The following RAG1 variants were observed in gnomAD, a reference collection of about 807,000 sequenced individuals.
RAG1 encodes V(D)J recombination-activating protein 1.
In RAG1, 35 loss-of-function variants were observed where a neutral mutation model predicts 62.7. The observed-to-expected ratio is 0.56, with a 90% CI of 0.43 to 0.74. The LOEUF is 0.74. Ranked by LOEUF, RAG1 falls within the 30% of genes least tolerant of loss-of-function variation. RAG1 has a pLI of 0.00. For synonymous variants in RAG1, 461 were observed against 470.3 expected, an observed-to-expected ratio of 0.98 and a Z score of 0.26; for missense variants, 1,169 against 1,278.6, an observed-to-expected ratio of 0.91 and a Z score of 1.31.
downstream of RAG1, among the ~76,000 whole-genome samples, chr11:36,538,268 T>C (rs369534900): frequency 6.6e-6 from 1 of 152,160 alleles, no homozygotes; most frequent in African/African-American, 2.4e-5. Flanking sequence ...TAAAGAACAG[T>C]ATGCTGCCTA....
At chr11:36,511,860 G>A (rs946694473) in intron 1 of RAG1, among the ~76,000 whole-genome samples, 1 of 152,144 alleles carries the variant, frequency 6.6e-6, no homozygotes, top group Admixed American at 6.5e-5. Flanking sequence ...GAGCTCTGGG[G>A]CAGGTTACAT....
intron 2 of RAG1, among the ~76,000 whole-genome samples, chr11:36,533,676 G>C (rs1471981145): frequency 1.3e-5 from 2 of 152,066 alleles, no homozygotes; most frequent in African/African-American, 4.8e-5. Flanking sequence ...AAAGTGTTTT[G>C]TTTCCCTTAT....
At chr11:36,539,283 G>C (rs964666505), downstream of RAG1, among the ~76,000 whole-genome samples, 5 of 152,170 alleles carry the variant, frequency 3.3e-5, no homozygotes, top group African/African-American at 9.7e-5. Context: ...AAAGGGAGAG[G>C]CCTCAAGAGA....
chr11:36,515,738 C>T lies in RAG1; in HGVS notation n.331-4394C>T, dbSNP rs187031418. On this transcript the variant is annotated intron_variant and non_coding_transcript_variant, in intron 1 of 2. Coordinates refer to the RAG1 transcript ENST00000529126. ...CCGGGGAGACTGTACACAGTAATGG[C>T]AGGCTTTGGAGATGCACCTTTGGTT... 2.9e-3 allele frequency among the ~76,000 whole-genome samples: 444 copies of T among 152,266 alleles called. 10 individuals are homozygous for T. Among genetic ancestry groups the T allele is most frequent in the Admixed American group, 0.029 (436 of 15,288 alleles).
intron 1 of RAG1, among the ~76,000 whole-genome samples, chr11:36,517,823 T>C (rs1355773776): frequency 6.6e-6 from 1 of 152,080 alleles, no homozygotes; most frequent in Non-Finnish European, 1.5e-5. Flanking sequence ...CATGAGAGTG[T>C]TCGCTTTTCT....
chr11:36,517,196 A>G (rs1197135157), intron 1 of RAG1, among the ~76,000 whole-genome samples: 1 of 152,224 alleles, frequency 6.6e-6, no homozygotes, highest in Non-Finnish European at 1.5e-5. Flanking sequence ...AGTTTTCTTG[A>G]ATTGCCCACA....
At chr11:36,541,570 A>G (rs1564980231) in intron 3 of RAG1, among the ~76,000 whole-genome samples, 1 of 152,182 alleles carries the variant, frequency 6.6e-6, no homozygotes, top group South Asian at 2.1e-4. Context: ...CATATCCAAG[A>G]CAAAGTGCCT....
At position 36,575,981 on chromosome 11, in the gene RAG1, A is replaced by C; in HGVS notation, c.2677A>C (p.Lys893Gln). 6.2e-7 allele frequency: 1 copy of C among 1,614,204 alleles called. No individual in the cohort carries two copies. Among genetic ancestry groups the C allele is most frequent in the Non-Finnish European group, 8.5e-7 (1 of 1,180,030 alleles). ...GCTGATGGATCTTTACCTGAAGATGAAACCAGTATGGCGATCATCATGCCC... is the reference window on the plus strand; with the variant it reads ...GCTGATGGATCTTTACCTGAAGATGCAACCAGTATGGCGATCATCATGCCC... ...RELMDLYLKM[K>Q]PVWRSSCPAK... Residue 893 changes from lysine (K) to glutamine (Q), a missense_variant, in exon 2 of 2, where the codon AAA becomes CAA. Lys to Gln is a moderately conservative substitution (Grantham distance 53). Coordinates refer to ENST00000299440, the MANE Select transcript of RAG1 (RefSeq NM_000448.3). The surrounding 1 kb of genome is among the most constrained non-coding windows in gnomAD (Gnocchi z 4.1).
chr11:36,547,599 C>A (rs1485718102), intron 3 of RAG1, among the ~76,000 whole-genome samples: 1 of 152,082 alleles, frequency 6.6e-6, no homozygotes, highest in Non-Finnish European at 1.5e-5. Context: ...CCTGAGTAGA[C>A]CAATAACAAA....
chr11:36,565,805 T>A (rs145610899), upstream of RAG1: 1 of 152,156 alleles, frequency 6.6e-6, no homozygotes, highest in Admixed American at 6.5e-5. Context: ...TACTTCTCAA[T>A]AGGAGACAAG....
At position 36,578,094 on chromosome 11, in the gene RAG1, G is replaced by C. The variant is rs1313970415; in HGVS notation, c.*1658G>C. ...GCTAGTGAGTCATAATGATATGTTA[G>C]TGTTAATTAGTTTTTTCTTCCTTTG... On this transcript the variant is annotated 3_prime_UTR_variant, in exon 2 of 2. Transcript: ENST00000299440. The C allele has an allele frequency of 4.8e-5, 8 of 166,908 alleles. No homozygotes were observed. The highest frequency in any genetic ancestry group is 1.9e-4 in the African/African-American group (8 of 41,450). 10.3% of individuals were successfully genotyped at this position (166,908 alleles called of 1,614,324 possible).
chr11:36,564,774 CG>C, upstream of RAG1, among the ~76,000 whole-genome samples: 1 of 152,274 alleles, frequency 6.6e-6, no homozygotes, highest in East Asian at 1.9e-4. Context: ...GTCTCTCCGC[CG>C]CCAGTGCAGG....
chr11:36,525,644 T>G (rs1051180097), intron 2 of RAG1, among the ~76,000 whole-genome samples: 1 of 152,124 alleles, frequency 6.6e-6, no homozygotes, highest in Non-Finnish European at 1.5e-5. Context: ...ATAGCTAAGC[T>G]TTTTTTGAGC....
chr11:36,531,072 A>G (rs1860246978), intron 2 of RAG1, among the ~76,000 whole-genome samples: 1 of 151,066 alleles, frequency 6.6e-6, no homozygotes, highest in African/African-American at 2.4e-5. Context: ...TTTTTTTTGC[A>G]TTATATAAGC....
intron 3 of RAG1, among the ~76,000 whole-genome samples, chr11:36,548,595 A>G (rs1464616404): frequency 2.6e-5 from 4 of 152,234 alleles, no homozygotes; most frequent in African/African-American, 7.2e-5. Flanking sequence ...AAGGAGAACT[A>G]CAAACCACTG....
chr11:36,576,601 T>C lies in RAG1; in HGVS notation c.*165T>C. 1 of 784,020 alleles carries C rather than the reference T, an allele frequency of 1.3e-6. No individual in the cohort carries two copies. Among genetic ancestry groups the C allele is most frequent in the South Asian group, 1.7e-5 (1 of 58,022 alleles). 48.6% of individuals were successfully genotyped at this position (784,020 alleles called of 1,614,324 possible). A position where few individuals can be genotyped will look rare whatever the true frequency, so the allele number is the denominator to read the frequency against. ...ATGCTCTCAAGTCAGGAATAGAAAC[T>C]GATGAGCTGATTGCTTGAGGCTTTT... On this transcript the variant is annotated 3_prime_UTR_variant, in exon 2 of 2. Transcript: ENST00000299440.
Position 36,577,024 on chromosome 11 carries a change from C to T in RAG1, c.*588C>T, listed in dbSNP as rs1590705103. 1 of 168,374 alleles carries T rather than the reference C, an allele frequency of 5.9e-6. No individual in the cohort carries two copies. The highest frequency in any genetic ancestry group is 1.4e-5 in the Non-Finnish European group (1 of 69,064). The allele number at this position is 168,374 out of a possible 1,614,324, so 10.4% of individuals were successfully genotyped here. A position where few individuals can be genotyped will look rare whatever the true frequency, so the allele number is the denominator to read the frequency against. Reference sequence around the variant, plus strand: ...AGTGCTCTCAATGCATTTACCCATTCGTTATATAAATATGTTACATCAGGA... The same window carrying T: ...AGTGCTCTCAATGCATTTACCCATTTGTTATATAAATATGTTACATCAGGA... On this transcript the variant is annotated 3_prime_UTR_variant, in exon 2 of 2. Transcript: ENST00000299440.
At chr11:36,566,879 C>A (rs991171934), upstream of RAG1, among the ~76,000 whole-genome samples, 3 of 152,132 alleles carry the variant, frequency 2.0e-5, no homozygotes, top group African/African-American at 7.2e-5. Context: ...GTAAGAGGAG[C>A]GTCGAATGAG....
chr11:36,551,709 A>G (rs1181429319), intron 3 of RAG1, among the ~76,000 whole-genome samples: 1 of 140,730 alleles, frequency 7.1e-6, no homozygotes, highest in Non-Finnish European at 1.5e-5. Context: ...TGCACCCACT[A>G]ATGTGTCATC....
Sources: allele counts gnomAD v4.1 joint callset (sites outside exome capture counted in the v4.1 genomes callset), GRCh38; gene constraint gnomAD v4.1.1; non-coding constraint Gnocchi (gnomAD v3.1); transcripts MANE v1.5; gene names NCBI Gene and HGNC (gene_info 2026-07-23, HGNC 2026-07-21).